ERAP1: variants seen among roughly 807,000 people sequenced by gnomAD.
ERAP1 encodes endoplasmic reticulum aminopeptidase 1.
A neutral mutation model predicts 103.7 loss-of-function variants in ERAP1; 86 were observed. The observed-to-expected ratio is 0.83, with a 90% CI of 0.70 to 0.99. ERAP1 has a LOEUF of 0.99. ERAP1 is among the 50% of genes least tolerant of loss of function. ERAP1 has a pLI of 0.00. For synonymous variants in ERAP1, 398 were observed against 402.4 expected (o/e 0.99, Z 0.13); for missense variants, 1,009 against 1,128.4 (o/e 0.89, Z 1.52).
intron 14 of ERAP1, 82 bp downstream of exon 14, chr5:96,783,841 AC>A: frequency 3.8e-6 from 2 of 524,996 alleles, no homozygotes; most frequent in Non-Finnish European, 5.4e-6. Context: ...ACACACACAC[AC>A]ACACACACAC....
chr5:96,800,089 A>T (rs1179694492), intron 3 of ERAP1, among the ~76,000 whole-genome samples: 1 of 152,200 alleles, frequency 6.6e-6, no homozygotes, highest in Non-Finnish European at 1.5e-5. Context: ...TCTGACTCTG[A>T]TCCCCAGTGA....
the ERAP1 span, among the ~76,000 whole-genome samples, chr5:96,894,637 C>T: frequency 1.3e-5 from 2 of 152,036 alleles, no homozygotes; most frequent in African/African-American, 2.4e-5. Context: ...ATTTATGCAT[C>T]CTTTTTATTT....
chr5:96,916,311 A>G, the ERAP1 span, among the ~76,000 whole-genome samples: 1 of 152,038 alleles, frequency 6.6e-6, no homozygotes, highest in African/African-American at 2.4e-5. Context: ...TATTCATAGC[A>G]TTCAAAATGA....
the ERAP1 span, among the ~76,000 whole-genome samples, chr5:96,893,797 C>A: frequency 6.6e-6 from 1 of 152,288 alleles, no homozygotes; most frequent in South Asian, 2.1e-4. Context: ...CTTAGCTTGG[C>A]ATACAAGGTT....
the ERAP1 span, among the ~76,000 whole-genome samples, chr5:96,892,956 C>T: frequency 6.6e-6 from 1 of 151,992 alleles, no homozygotes; most frequent in African/African-American, 2.4e-5. Context: ...TTCAGTGTCC[C>T]CATCTATAAA....
At chr5:96,872,285 G>A in the ERAP1 span, among the ~76,000 whole-genome samples, 67 of 149,668 alleles carry the variant, frequency 4.5e-4, no homozygotes, top group Non-Finnish European at 8.7e-4. Context: ...GCAGTGAGCC[G>A]AGATCACATC....
upstream of ERAP1, chr5:96,808,261 T>TGTGTGTGTGTGTGTG (rs1387638650): frequency 1.2e-4 from 104 of 837,676 alleles, no homozygotes; most frequent in African/African-American, 8.1e-4. Context: ...TGTGTGTGTG[T>TGTGTGTGTGTGTGTG]TGAGATGCTT....
At chr5:96,934,446 A>C in the ERAP1 span, 1 of 152,234 alleles carries the variant, frequency 6.6e-6, no homozygotes, top group African/African-American at 2.4e-5. Context: ...ACAATGATGG[A>C]TGGAACTTGG....
the ERAP1 span, among the ~76,000 whole-genome samples, chr5:96,831,509 T>A: frequency 6.6e-6 from 1 of 152,224 alleles, no homozygotes; most frequent in African/African-American, 2.4e-5. Context: ...ATGACTTATT[T>A]TGGAAAAGGG....
intron 1 of ERAP1, among the ~76,000 whole-genome samples, chr5:96,806,831 TA>T (rs1778660321): frequency 7.2e-6 from 1 of 139,432 alleles, no homozygotes; most frequent in Admixed American, 7.3e-5. Context: ...TGGTAAATAA[TA>T]AAAATGCTGG....
chr5:96,781,927 T>A (rs1252251001), intron 15 of ERAP1, 73 bp from the exon 16 acceptor site: 22 of 1,439,934 alleles, frequency 1.5e-5, no homozygotes, highest in Admixed American at 3.4e-5. Context: ...GGTGACTAAC[T>A]ATGAACTGCT....
chr5:96,771,671 G>C (rs1772397302), downstream of ERAP1: 2 of 1,611,378 alleles, frequency 1.2e-6, no homozygotes, highest in African/African-American at 2.7e-5. Context: ...CAAGCCAAAA[G>C]ATGACTAAAG....
At chr5:96,769,933 A>G (rs564391677), downstream of ERAP1, 7 of 151,316 alleles carry the variant, frequency 4.6e-5, no homozygotes, top group African/African-American at 1.7e-4. Flanking sequence ...ATAATATTCC[A>G]TTATGTATAT....
intron 3 of ERAP1, among the ~76,000 whole-genome samples, chr5:96,799,827 G>T (rs961188356): frequency 1.3e-5 from 2 of 152,222 alleles, no homozygotes; most frequent in Non-Finnish European, 2.9e-5. Flanking sequence ...TTCTTGGCTG[G>T]TAGGAATTTG....
the ERAP1 span, among the ~76,000 whole-genome samples, chr5:96,914,029 G>C: frequency 6.6e-6 from 1 of 152,082 alleles, no homozygotes; most frequent in Non-Finnish European, 1.5e-5. Context: ...GAGAACTGGA[G>C]CTCATTTCAA....
At chr5:96,880,124 CA>C in the ERAP1 span, 1 of 1,614,120 alleles carries the variant, frequency 6.2e-7, no homozygotes, top group Non-Finnish European at 8.5e-7. Flanking sequence ...TGCTCATGAA[CA>C]AATTGCACTG....
At chr5:96,836,185 T>TTC in the ERAP1 span, among the ~76,000 whole-genome samples, 1 of 150,290 alleles carries the variant, frequency 6.7e-6, no homozygotes, top group African/African-American at 2.4e-5. Flanking sequence ...GGTTTTTTTT[T>TTC]TTTTTTTTTT....
At chr5:96,786,687 A>G in intron 11 of ERAP1, 138 bp from the exon 12 acceptor site, 1 of 643,286 alleles carries the variant, frequency 1.6e-6, no homozygotes, top group Non-Finnish European at 2.8e-6. Context: ...CTCTCAAAAC[A>G]TCCCCAGTCT....
the ERAP1 span, chr5:96,910,207 G>A: frequency 6.4e-6 from 1 of 157,228 alleles, no homozygotes; most frequent in Admixed American, 6.0e-5. Context: ...AGAAGTTGCC[G>A]TGAGCCAAGA....
Sources: gnomAD v4.1 joint callset for allele counts (sites outside exome capture counted in the v4.1 genomes callset) on GRCh38, gnomAD v4.1.1 for gene constraint, MANE v1.5 for transcripts, NCBI Gene and HGNC (gene_info 2026-07-23, HGNC 2026-07-21) for gene names.